The following ARHGAP26 variants were observed in gnomAD, a reference collection of about 807,000 sequenced individuals.
The protein encoded by ARHGAP26 is Rho GTPase activating protein 26.
A neutral mutation model predicts 104.8 loss-of-function variants in ARHGAP26; 38 were observed. The ratio of observed to expected loss-of-function variants is 0.36; its 90% confidence interval spans 0.28 to 0.48. The LOEUF is 0.48. Ranked by LOEUF, ARHGAP26 falls within the 20% of genes least tolerant of loss-of-function variation. The pLI, the probability that ARHGAP26 is intolerant of heterozygous loss-of-function variation, is 0.99. For missense variants in ARHGAP26, 704 were observed against 947.9 expected, an observed-to-expected ratio of 0.74 and a Z score of 3.38; for synonymous variants, 341 against 340.0, an observed-to-expected ratio of 1.00 and a Z score of -0.03.
rs773838530 is a variant in ARHGAP26 at position 143,226,792 on chromosome 5, G to A, written c.*4346G>A. ...CTCACCGAGTGCTTTTCGGTGAGAG[G>A]CAAAGAGAAAGAATGAACAATCAAG... is the stretch of plus-strand genomic sequence containing the variant. On this transcript the variant is annotated 3_prime_UTR_variant, in exon 23 of 23. Transcript: ENST00000645722. 5.6e-4 allele frequency: 124 copies of A among 220,742 alleles called. No individual in the cohort carries two copies. The highest frequency in any genetic ancestry group is 9.8e-4 in the Non-Finnish European group (108 of 110,396). 13.7% of individuals were successfully genotyped at this position (220,742 alleles called of 1,614,324 possible).
At chr5:143,192,619 T>C (rs944223270) in intron 20 of ARHGAP26, 13 of 152,224 alleles carry the variant, frequency 8.5e-5, no homozygotes, top group African/African-American at 3.1e-4. Context: ...TGGAGACCCC[T>C]GGGGACTTTG....
chr5:142,951,481 A>G (rs770537016), intron 11 of ARHGAP26, among the ~76,000 whole-genome samples: 1 of 152,192 alleles, frequency 6.6e-6, no homozygotes, highest in Non-Finnish European at 1.5e-5. Flanking sequence ...TCTGTGTATT[A>G]TTTGGAGTAG....
At chr5:143,207,915 G>A (rs1431131416) in intron 21 of ARHGAP26, among the ~76,000 whole-genome samples, 3 of 152,214 alleles carry the variant, frequency 2.0e-5, no homozygotes, top group Non-Finnish European at 2.9e-5. Context: ...GAGAGACGTC[G>A]AACATAGAAT....
intron 22 of ARHGAP26, chr5:143,216,343 T>C (rs1319499948): frequency 2.1e-6 from 1 of 467,310 alleles, no homozygotes; most frequent in Non-Finnish European, 4.4e-6. Context: ...GCGAGAGTGA[T>C]CTTTGAAAAA....
chr5:143,025,040 G>A (rs532181090), intron 12 of ARHGAP26, among the ~76,000 whole-genome samples: 1 of 152,138 alleles, frequency 6.6e-6, no homozygotes, highest in Admixed American at 6.5e-5. Context: ...TTTGCTCAAT[G>A]GTGCCTGGTA....
At chr5:142,876,776 CAAAAAAA>C (rs34843524) in intron 3 of ARHGAP26, among the ~76,000 whole-genome samples, 20 of 48,460 alleles carry the variant, frequency 4.1e-4, no homozygotes, top group Non-Finnish European at 6.3e-4. Flanking sequence ...GACCCTGTGT[CAAAAAAA>C]AAAAAAAAAA....
intron 8 of ARHGAP26, among the ~76,000 whole-genome samples, chr5:142,904,238 C>G (rs947242223): frequency 6.6e-6 from 1 of 151,992 alleles, no homozygotes; most frequent in Non-Finnish European, 1.5e-5. Flanking sequence ...CGTCTGTAAT[C>G]CCAGCACTTT....
chr5:143,221,675 A>G (rs970705950), intron 22 of ARHGAP26, among the ~76,000 whole-genome samples: 1 of 152,144 alleles, frequency 6.6e-6, no homozygotes, highest in Non-Finnish European at 1.5e-5. Flanking sequence ...GACACGCTCC[A>G]TCAAACCTAG....
rs17650464 is a variant in ARHGAP26, at chr5:143,023,408, A to G, written c.1144+9292A>G. Among the ~76,000 whole-genome samples, 337 of 152,332 alleles carry G rather than the reference A, an allele frequency of 2.2e-3. 6 individuals carry two copies. The East Asian group carries it at 0.043, about 20-fold the overall frequency. On this transcript the variant is annotated intron_variant, in intron 12 of 22. Coordinates refer to ENST00000645722, the MANE Select transcript of ARHGAP26 (RefSeq NM_001135608.3). ...AAGGAGATTTAGGCTTGAAAACTGT[A>G]GGGAAAGCCTTGATGGGATCGCCTG...
intron 1 of ARHGAP26, among the ~76,000 whole-genome samples, chr5:142,838,409 C>G (rs1561927583): frequency 6.6e-6 from 1 of 152,094 alleles, no homozygotes; most frequent in Admixed American, 6.5e-5. Flanking sequence ...CAGAGAAATA[C>G]AAAGGAAGTT....
chr5:142,892,776 T>A (rs561993685), intron 5 of ARHGAP26, among the ~76,000 whole-genome samples: 5 of 152,280 alleles, frequency 3.3e-5, no homozygotes, highest in Non-Finnish European at 5.9e-5. Flanking sequence ...AATCAAGGTA[T>A]TTAGGGTATC....
At chr5:143,013,102 A>G (rs1471946357) in intron 11 of ARHGAP26, among the ~76,000 whole-genome samples, 1 of 152,202 alleles carries the variant, frequency 6.6e-6, no homozygotes, top group Non-Finnish European at 1.5e-5. Flanking sequence ...ACAAACAAAT[A>G]TCTATAATTG....
intron 10 of ARHGAP26, among the ~76,000 whole-genome samples, chr5:142,916,533 A>G (rs1762511830): frequency 6.6e-6 from 1 of 152,238 alleles, no homozygotes; most frequent in Non-Finnish European, 1.5e-5. Flanking sequence ...TGGTATGTTA[A>G]ATACAATGTG....
intron 11 of ARHGAP26, among the ~76,000 whole-genome samples, chr5:142,957,034 GA>G: frequency 6.6e-6 from 1 of 152,260 alleles, no homozygotes; most frequent in African/African-American, 2.4e-5. Context: ...ACCATATCAA[GA>G]CCTCTTGAAT....
At chr5:142,807,051 C>T (rs756189207) in intron 1 of ARHGAP26, among the ~76,000 whole-genome samples, 5 of 152,190 alleles carry the variant, frequency 3.3e-5, no homozygotes, top group Non-Finnish European at 7.3e-5. Flanking sequence ...TTTTCTGTAA[C>T]ATGATCCTAC....
chr5:143,143,182 G>A (rs1798769550), intron 19 of ARHGAP26, among the ~76,000 whole-genome samples: 1 of 152,146 alleles, frequency 6.6e-6, no homozygotes, highest in South Asian at 2.1e-4. Context: ...TCCCGCAAAT[G>A]TTTCGTATTT....
intron 17 of ARHGAP26, among the ~76,000 whole-genome samples, chr5:143,097,167 C>T (rs1439932717): frequency 1.3e-5 from 2 of 151,790 alleles, no homozygotes; most frequent in Non-Finnish European, 1.5e-5. Flanking sequence ...GGCGAAACCC[C>T]GTCTCTACTA....
chr5:142,974,718 A>T (rs989910114), intron 11 of ARHGAP26, among the ~76,000 whole-genome samples: 4 of 152,216 alleles, frequency 2.6e-5, no homozygotes, highest in Admixed American at 6.5e-5. Context: ...TCACATCAGT[A>T]ATACTGAAAG....
intron 8 of ARHGAP26, among the ~76,000 whole-genome samples, chr5:142,904,819 C>T (rs1760885723): frequency 6.6e-6 from 1 of 152,156 alleles, no homozygotes; most frequent in Admixed American, 6.5e-5. Flanking sequence ...GTTTTGTGTT[C>T]TTTCATGTCC....
Sources: gnomAD v4.1 joint callset for allele counts (sites outside exome capture counted in the v4.1 genomes callset) on GRCh38, gnomAD v4.1.1 for gene constraint, MANE v1.5 for transcripts, NCBI Gene and HGNC (gene_info 2026-07-23, HGNC 2026-07-21) for gene names.